The following RIMBP2 variants were observed in gnomAD, a reference collection of about 807,000 sequenced individuals.
RIMBP2 encodes RIMS binding protein 2, also known as RIMS-binding protein 2.
A neutral mutation model predicts 118.6 loss-of-function variants in RIMBP2; 48 were observed. The observed-to-expected ratio is 0.40, with a 90% CI of 0.32 to 0.51. RIMBP2 has a LOEUF of 0.51. RIMBP2 is among the 20% of genes least tolerant of loss of function. The pLI is 0.41. For synonymous variants in RIMBP2, 762 were observed against 742.9 expected (o/e 1.03, Z -0.42); for missense variants, 1,551 against 1,768.3 (o/e 0.88, Z 2.20).
intron 1 of RIMBP2, among the ~76,000 whole-genome samples, chr12:130,707,338 C>G (rs2695943): frequency 0.4 from 60,996 of 152,136 alleles, 14,236 homozygotes; most frequent in African/African-American, 0.65. Flanking sequence ...ACAAGGTCCC[C>G]CCCACGCCCA....
chr12:130,495,475 C>T (rs1051572223), intron 4 of RIMBP2, among the ~76,000 whole-genome samples: 2 of 152,238 alleles, frequency 1.3e-5, no homozygotes, highest in Non-Finnish European at 2.9e-5. Flanking sequence ...GCGCTCCCCT[C>T]TCCCTCCAGG....
chr12:130,640,741 A>T (rs1253825265), intron 1 of RIMBP2, among the ~76,000 whole-genome samples: 1 of 152,176 alleles, frequency 6.6e-6, no homozygotes, highest in East Asian at 1.9e-4. Context: ...ATCTGGCCCC[A>T]GGGACCGCAC....
At chr12:130,587,572 C>T (rs369673290) in intron 2 of RIMBP2, among the ~76,000 whole-genome samples, 8,244 of 83,528 alleles carry the variant, frequency 0.099, 438 homozygotes, top group East Asian at 0.29. Context: ...AGTAAACTAT[C>T]GCAAGAACAA....
Position 130,620,471 on chromosome 12 carries a change from C to T in RIMBP2, c.-217+7851G>A, listed in dbSNP as rs1210550026. Reference sequence around the variant, plus strand: ...ACCAGAGACCTCACGTTAGTTTCCTCCAGCCGCCGTGACAAAGTACGACAA... The same window carrying T: ...ACCAGAGACCTCACGTTAGTTTCCTTCAGCCGCCGTGACAAAGTACGACAA... On this transcript the variant is annotated intron_variant, in intron 2 of 22. Transcript: ENST00000690449. This position sits in a 1 kb window ranked among gnomAD's most constrained non-coding sequence, Gnocchi z 5.3. Among the ~76,000 whole-genome samples the T allele has an allele frequency of 6.6e-6, 1 of 152,198 alleles. No individual in the cohort carries two copies. The highest frequency in any genetic ancestry group is 1.5e-5 in the Non-Finnish European group (1 of 68,036).
At chr12:130,543,589 G>A (rs1183120689) in intron 2 of RIMBP2, among the ~76,000 whole-genome samples, 1 of 152,124 alleles carries the variant, frequency 6.6e-6, no homozygotes, top group Non-Finnish European at 1.5e-5. Flanking sequence ...TGGGAAATAT[G>A]AAGATGCCTC....
intron 13 of RIMBP2, among the ~76,000 whole-genome samples, chr12:130,435,092 C>G (rs2077420042): frequency 6.6e-6 from 1 of 151,698 alleles, no homozygotes; most frequent in Non-Finnish European, 1.5e-5. Context: ...GTCGCCCAGG[C>G]TGGAGTGCAG....
intron 2 of RIMBP2, among the ~76,000 whole-genome samples, chr12:130,550,058 G>A (rs575746071): frequency 7.9e-5 from 12 of 152,146 alleles, no homozygotes; most frequent in Non-Finnish European, 1.2e-4. Flanking sequence ...TCTGACAGGT[G>A]CGAGATTGTA....
intron 2 of RIMBP2, among the ~76,000 whole-genome samples, chr12:130,526,292 G>A (rs377427237): frequency 2.6e-5 from 4 of 152,204 alleles, no homozygotes; most frequent in South Asian, 2.1e-4. Flanking sequence ...CTCCTGTGCC[G>A]GCCTGAAGAA....
At chr12:130,573,223 G>A (rs1877983) in intron 2 of RIMBP2, among the ~76,000 whole-genome samples, 129,762 of 151,452 alleles carry the variant, frequency 0.86, 56,961 homozygotes, top group East Asian at 0.99. Flanking sequence ...CATACTTCAT[G>A]TATATTATAT....
intron 2 of RIMBP2, among the ~76,000 whole-genome samples, chr12:130,564,894 ACAG>A (rs1327421357): frequency 1.4e-4 from 22 of 152,198 alleles, no homozygotes; most frequent in African/African-American, 5.3e-4. Flanking sequence ...CCACACACAC[ACAG>A]AACAACAAGG....
chr12:130,460,793 C>T (rs1035286585), intron 6 of RIMBP2, among the ~76,000 whole-genome samples: 1 of 152,140 alleles, frequency 6.6e-6, no homozygotes, highest in African/African-American at 2.4e-5. Context: ...GGGACATCCA[C>T]CGCGTTCTGA....
chr12:130,571,554 G>C (rs1227688110), intron 2 of RIMBP2, among the ~76,000 whole-genome samples: 2 of 151,960 alleles, frequency 1.3e-5, no homozygotes, highest in Non-Finnish European at 2.9e-5. Context: ...CGGGTAGCTG[G>C]AATTACAGGC....
At chr12:130,605,067 C>A (rs2060105334) in intron 2 of RIMBP2, among the ~76,000 whole-genome samples, 1 of 152,058 alleles carries the variant, frequency 6.6e-6, no homozygotes, top group Admixed American at 6.5e-5. Context: ...GCGGTAGACT[C>A]CCCGGCTAGG....
At chr12:130,579,899 C>T (rs2058345275) in intron 2 of RIMBP2, among the ~76,000 whole-genome samples, 2 of 152,138 alleles carry the variant, frequency 1.3e-5, no homozygotes, top group East Asian at 1.9e-4. Flanking sequence ...ATCAGTATGG[C>T]TCACAGCCTG....
chr12:130,469,851 T>C lies in RIMBP2; in HGVS notation c.153+842A>G, dbSNP rs968543668. 6.6e-6 allele frequency among the ~76,000 whole-genome samples: 1 copy of C among 152,148 alleles called. No homozygotes were observed. The highest frequency in any genetic ancestry group is 1.5e-5 in the Non-Finnish European group (1 of 68,034). ...GGGCAGATCCCCTCCGAGGTAAATC[T>C]CTCCTTGAGGGGGTGGTGAATTACA... On this transcript the variant is annotated intron_variant, in intron 6 of 22. Transcript: ENST00000690449. This position sits in a 1 kb window ranked among gnomAD's most constrained non-coding sequence, Gnocchi z 4.8.
At chr12:130,646,202 TCCACCTCCCTCTCCACCTCCCTCA>T (rs2062921832) in intron 1 of RIMBP2, among the ~76,000 whole-genome samples, 4 of 18,254 alleles carry the variant, frequency 2.2e-4, no homozygotes, top group African/African-American at 3.4e-4. Context: ...CACTTCCCTC[TCCACCTCCCTCTCCACCTCCCTCA>T]CCACCTGCCT....
At chr12:130,649,853 A>C (rs1354501697) in intron 1 of RIMBP2, among the ~76,000 whole-genome samples, 1 of 151,992 alleles carries the variant, frequency 6.6e-6, no homozygotes, top group Admixed American at 6.6e-5. Context: ...TACTCTACTC[A>C]GTGACCCCAG....
chr12:130,606,494 T>C (rs1431326240), intron 2 of RIMBP2, among the ~76,000 whole-genome samples: 2 of 152,212 alleles, frequency 1.3e-5, no homozygotes, highest in Non-Finnish European at 2.9e-5. Flanking sequence ...GCATCAGCGC[T>C]GTGGAGGCGG....
At chr12:130,492,941 G>A (rs1459646377) in intron 4 of RIMBP2, among the ~76,000 whole-genome samples, 4 of 152,168 alleles carry the variant, frequency 2.6e-5, no homozygotes, top group Non-Finnish European at 4.4e-5. Flanking sequence ...ACCAGCCTAG[G>A]CAATATGGCA....
Sources: gnomAD v4.1 joint callset for allele counts (sites outside exome capture counted in the v4.1 genomes callset) on GRCh38, gnomAD v4.1.1 for gene constraint, Gnocchi (gnomAD v3.1) non-coding constraint, MANE v1.5 for transcripts, NCBI Gene and HGNC (gene_info 2026-07-23, HGNC 2026-07-21) for gene names.